BNC2: variants seen among roughly 807,000 people sequenced by gnomAD.
BNC2 encodes the protein basonuclin zinc finger protein 2.
Under a neutral mutation model 76.3 loss-of-function variants are expected in BNC2, and 20 were observed. The ratio of observed to expected loss-of-function variants is 0.26; its 90% CI spans 0.18 to 0.38. The LOEUF (loss-of-function observed/expected upper bound fraction) is 0.38. Ranked by LOEUF, BNC2 falls within the 10% of genes least tolerant of loss-of-function variation. BNC2 has a pLI of 1.00. For missense variants in BNC2, 1,382 were observed against 1,399.8 expected, an observed-to-expected ratio of 0.99 and a Z score of 0.20; for synonymous variants, 582 against 514.8, an observed-to-expected ratio of 1.13 and a Z score of -1.77.
In BNC2 at chr9:16,453,832, C is replaced by A. The variant is rs373026842; in HGVS notation, c.670-16308G>T. Reference sequence around the variant, plus strand: ...TTAAACAAAACAAAACAAACAAAACCTCAACGGTCCCATTTGCTAAATGAT... The same window carrying A: ...TTAAACAAAACAAAACAAACAAAACATCAACGGTCCCATTTGCTAAATGAT... On this transcript the variant is annotated intron_variant, in intron 5 of 6. Coordinates refer to ENST00000380672, the MANE Select transcript of BNC2 (RefSeq NM_017637.6). 1.6e-3 allele frequency among the ~76,000 whole-genome samples: 250 copies of A among 152,246 alleles called. 1 individual carries two copies. The highest frequency in any genetic ancestry group is 5.8e-3 in the African/African-American group (240 of 41,552).
At position 16,599,537 on chromosome 9, in the gene BNC2, A is replaced by T. The variant is rs145627214; in HGVS notation, c.331-16452T>A. ...AGTGGCTCACGCCTGTAATCCCAGCACTTTGGGAGGCCGAGGTAGGTGGAT... is the reference window on the plus strand; with the variant it reads ...AGTGGCTCACGCCTGTAATCCCAGCTCTTTGGGAGGCCGAGGTAGGTGGAT... On this transcript the variant is annotated intron_variant, in intron 3 of 6. Transcript: ENST00000380672. Among the ~76,000 whole-genome samples, 337 of 152,296 alleles carry T rather than the reference A, an allele frequency of 2.2e-3. 1 individual carries two copies. Among genetic ancestry groups the T allele is most frequent in the African/African-American group, 7.6e-3 (315 of 41,560 alleles).
intron 5 of BNC2, among the ~76,000 whole-genome samples, chr9:16,550,939 G>A (rs896471722): frequency 6.6e-5 from 10 of 152,054 alleles, no homozygotes; most frequent in Non-Finnish European, 8.8e-5. Flanking sequence ...GTAGAAAGAC[G>A]CAGCACTGTA....
intron 1 of BNC2, among the ~76,000 whole-genome samples, chr9:16,841,244 A>G (rs1285906028): frequency 6.6e-6 from 1 of 152,192 alleles, no homozygotes; most frequent in Non-Finnish European, 1.5e-5. Flanking sequence ...TCTCATTCCA[A>G]CCCTAAGCAA....
chr9:16,465,285 A>C (rs1257069363), intron 5 of BNC2, among the ~76,000 whole-genome samples: 1 of 152,020 alleles, frequency 6.6e-6, no homozygotes, highest in Non-Finnish European at 1.5e-5. Flanking sequence ...AAAATACAAA[A>C]ATTAGCCAGG....
chr9:16,838,534 C>G (rs1818757442), intron 1 of BNC2, among the ~76,000 whole-genome samples: 1 of 152,144 alleles, frequency 6.6e-6, no homozygotes, highest in South Asian at 2.1e-4. Flanking sequence ...GCACTCCAGC[C>G]TGGACAACAA....
chr9:16,482,748 A>G (rs749186607), intron 5 of BNC2, among the ~76,000 whole-genome samples: 3 of 152,240 alleles, frequency 2.0e-5, no homozygotes, highest in African/African-American at 7.2e-5. Flanking sequence ...GAATAAACTC[A>G]GAGGAATCAA....
intron 3 of BNC2, among the ~76,000 whole-genome samples, chr9:16,624,019 T>G (rs1393866743): frequency 2.0e-5 from 3 of 152,194 alleles, no homozygotes; most frequent in African/African-American, 7.2e-5. Context: ...AAGAATTTCT[T>G]AAGATATACC....
chr9:16,571,543 T>C (rs894688606), intron 4 of BNC2, among the ~76,000 whole-genome samples: 1 of 152,150 alleles, frequency 6.6e-6, no homozygotes, highest in Non-Finnish European at 1.5e-5. Context: ...TTGCAAAACT[T>C]TGAACCCCAT....
rs1043205403 is a variant in BNC2 at position 16,714,837 on chromosome 9, A to T, written c.330+12960T>A. ...ATTACCTGTTCTGTTGAAAATGCTGATAACTGATTTGCCTGGAGAATTTCA... is the reference window on the plus strand; with the variant it reads ...ATTACCTGTTCTGTTGAAAATGCTGTTAACTGATTTGCCTGGAGAATTTCA... On this transcript the variant is annotated intron_variant, in intron 3 of 6. Coordinates refer to ENST00000380672, the MANE Select transcript of BNC2 (RefSeq NM_017637.6). Among the ~76,000 whole-genome samples, 26 of 152,216 alleles carry T rather than the reference A, an allele frequency of 1.7e-4. 1 individual carries two copies. Among genetic ancestry groups the T allele is most frequent in the Non-Finnish European group, 3.8e-4 (26 of 68,032 alleles).
At chr9:16,833,239 T>TC (rs1471172350) in intron 1 of BNC2, among the ~76,000 whole-genome samples, 1 of 152,166 alleles carries the variant, frequency 6.6e-6, no homozygotes, top group Non-Finnish European at 1.5e-5. Flanking sequence ...TAAGATCTTC[T>TC]CTTAGAAGCA....
chr9:16,575,593 A>G (rs770072859), intron 4 of BNC2, among the ~76,000 whole-genome samples: 6 of 152,206 alleles, frequency 3.9e-5, no homozygotes, highest in Non-Finnish European at 5.9e-5. Context: ...TAGTGCCATT[A>G]ATCAAGCACC....
At chr9:16,650,909 T>G (rs1285466242) in intron 3 of BNC2, among the ~76,000 whole-genome samples, 1 of 152,216 alleles carries the variant, frequency 6.6e-6, no homozygotes, top group African/African-American at 2.4e-5. Flanking sequence ...CTATACGTAA[T>G]GCAAAATATT....
At chr9:16,601,472 C>A (rs80290010) in intron 3 of BNC2, among the ~76,000 whole-genome samples, 15 of 152,168 alleles carry the variant, frequency 9.9e-5, no homozygotes, top group Admixed American at 1.3e-4. Context: ...AAACTTGTTT[C>A]GAATCCCCTG....
intron 1 of BNC2, among the ~76,000 whole-genome samples, chr9:16,833,983 T>C (rs950178238): frequency 1.3e-5 from 2 of 152,234 alleles, no homozygotes; most frequent in Middle Eastern, 3.4e-3. Flanking sequence ...TTTGCAATAC[T>C]CAGCACCCTC....
At position 16,419,657 on chromosome 9, in the gene BNC2, A is replaced by G; in HGVS notation, c.2640-8T>C. The G allele has an allele frequency of 9.8e-7, 1 of 1,023,688 alleles. No homozygotes were observed. Among genetic ancestry groups the G allele is most frequent in the Non-Finnish European group, 1.4e-6 (1 of 726,076 alleles). The allele number at this position is 1,023,688 out of a possible 1,614,324, so 63.4% of individuals were successfully genotyped here. A position where few individuals can be genotyped will look rare whatever the true frequency, so the allele number is the denominator to read the frequency against. Reference sequence around the variant, plus strand: ...TTTATGTTGGCACTGTGTCTAGGAAAACAAGAGGGAAGGGGGGGTACGTGG... The same window carrying G: ...TTTATGTTGGCACTGTGTCTAGGAAGACAAGAGGGAAGGGGGGGTACGTGG... On this transcript the variant is annotated splice_polypyrimidine_tract_variant and splice_region_variant and intron_variant, in intron 6 of 6. Coordinates refer to ENST00000380672, the MANE Select transcript of BNC2 (RefSeq NM_017637.6).
At chr9:16,688,603 T>A (rs1823049485) in intron 3 of BNC2, among the ~76,000 whole-genome samples, 1 of 152,242 alleles carries the variant, frequency 6.6e-6, no homozygotes, top group African/African-American at 2.4e-5. Flanking sequence ...TCCAAAATGT[T>A]CACAGTGATT....
At chr9:16,500,629 G>C (rs769638322) in intron 5 of BNC2, among the ~76,000 whole-genome samples, 2 of 151,982 alleles carry the variant, frequency 1.3e-5, no homozygotes. Context: ...TTCTATATGC[G>C]CTTGCAAATT....
chr9:16,588,651 A>C (rs573355784), intron 3 of BNC2, among the ~76,000 whole-genome samples: 1 of 152,228 alleles, frequency 6.6e-6, no homozygotes, highest in East Asian at 1.9e-4. Flanking sequence ...AAACTAATCA[A>C]TGTTTGGTCA....
rs930857948 is a variant in BNC2, at chr9:16,409,741, C to T, written c.*9248G>A. 1 of 152,490 alleles carries T rather than the reference C, an allele frequency of 6.6e-6. No homozygotes were observed. Among genetic ancestry groups the T allele is most frequent in the Admixed American group, 6.5e-5 (1 of 15,278 alleles). 9.4% of individuals were successfully genotyped at this position (152,490 alleles called of 1,614,324 possible). A position where few individuals can be genotyped will look rare whatever the true frequency, so the allele number is the denominator to read the frequency against. On this transcript the variant is annotated 3_prime_UTR_variant, in exon 7 of 7. Coordinates refer to ENST00000380672, the MANE Select transcript of BNC2 (RefSeq NM_017637.6). ...AAACAAAAAGCAAAACAGAACAAAA[C>T]AAAAATAAAACCCTTGTTCAAGGTA...
Sources: gnomAD v4.1 joint callset for allele counts (sites outside exome capture counted in the v4.1 genomes callset) on GRCh38, gnomAD v4.1.1 for gene constraint, MANE v1.5 for transcripts, NCBI Gene and HGNC (gene_info 2026-07-23, HGNC 2026-07-21) for gene names.